The following NRXN1 variants were observed in gnomAD, a reference collection of about 807,000 sequenced individuals.
The protein encoded by NRXN1 is neurexin-1.
Under a neutral mutation model 150.9 loss-of-function variants are expected in NRXN1, and 39 were observed. The observed-to-expected ratio is 0.26, with a 90% CI of 0.20 to 0.34. The LOEUF is 0.34. Ranked by LOEUF, NRXN1 falls within the 10% of genes least tolerant of loss-of-function variation. The pLI is 1.00. For missense variants in NRXN1, 1,815 were observed against 1,949.9 expected (o/e 0.93, Z 1.30); for synonymous variants, 924 against 757.0 (o/e 1.22, Z -3.62).
chr2:50,816,348 G>T (rs559763572), intron 5 of NRXN1, among the ~76,000 whole-genome samples: 72 of 152,170 alleles, frequency 4.7e-4, no homozygotes, highest in African/African-American at 1.7e-3. Flanking sequence ...AGACCTCACA[G>T]AATGAAGCCA....
intron 8 of NRXN1, among the ~76,000 whole-genome samples, chr2:50,592,816 A>AATTTT (rs1674508793): frequency 6.6e-6 from 1 of 152,198 alleles, no homozygotes; most frequent in East Asian, 1.9e-4. Flanking sequence ...GCGAAAGCCT[A>AATTTT]GAGAAAAAAA....
chr2:50,532,862 G>C (rs143860784), intron 10 of NRXN1, among the ~76,000 whole-genome samples: 2 of 152,008 alleles, frequency 1.3e-5, no homozygotes, highest in African/African-American at 4.8e-5. Flanking sequence ...CAAAACAAGC[G>C]TGAATCAGTT....
chr2:50,554,053 C>T (rs1024273309), intron 8 of NRXN1, among the ~76,000 whole-genome samples: 2 of 152,028 alleles, frequency 1.3e-5, no homozygotes. Flanking sequence ...TTATCTAGGT[C>T]CACATAGCTG....
At chr2:50,952,451 C>G (rs2104600317) in intron 2 of NRXN1, among the ~76,000 whole-genome samples, 1 of 152,070 alleles carries the variant, frequency 6.6e-6, no homozygotes, top group South Asian at 2.1e-4. Context: ...AATTGGAAAA[C>G]AGAATGAATA....
intron 5 of NRXN1, among the ~76,000 whole-genome samples, chr2:50,806,942 T>C (rs1220571820): frequency 1.3e-5 from 2 of 152,162 alleles, no homozygotes; most frequent in African/African-American, 4.8e-5. Context: ...GACAAAATAT[T>C]TAGTTCAGCA....
At chr2:50,536,459 C>T (rs1278708375) in intron 10 of NRXN1, among the ~76,000 whole-genome samples, 2 of 152,136 alleles carry the variant, frequency 1.3e-5, no homozygotes, top group Non-Finnish European at 2.9e-5. Context: ...TTTCTTCTCT[C>T]ATCCTGGCTC....
chr2:50,787,186 C>T (rs971696311), intron 5 of NRXN1, among the ~76,000 whole-genome samples: 1 of 152,032 alleles, frequency 6.6e-6, no homozygotes, highest in Non-Finnish European at 1.5e-5. Flanking sequence ...TTGCTCTGAC[C>T]GGAGATTCCA....
chr2:50,691,107 A>G (rs1490434668), intron 5 of NRXN1, among the ~76,000 whole-genome samples: 1 of 152,210 alleles, frequency 6.6e-6, no homozygotes, highest in Non-Finnish European at 1.5e-5. Context: ...TCAAATGACC[A>G]TAATTTCTTT....
rs894368160 is a variant in NRXN1, at chr2:50,249,796, G to T, written c.3365-12826C>A. 3.3e-5 allele frequency among the ~76,000 whole-genome samples: 5 copies of T among 151,860 alleles called. No individual in the cohort carries two copies. The South Asian group carries it at 1.0e-3, about 32-fold the overall frequency. On this transcript the variant is annotated intron_variant, in intron 17 of 22. Coordinates refer to ENST00000401669, the MANE Select transcript of NRXN1 (RefSeq NM_001330078.2). ...GGGATCATAGATACGCGCCACTATG[G>T]CTGTCAAATTTTTATATTTTTAGTA...
intron 5 of NRXN1, among the ~76,000 whole-genome samples, chr2:50,723,318 G>A (rs1210819847): frequency 6.6e-6 from 1 of 152,180 alleles, no homozygotes; most frequent in African/African-American, 2.4e-5. Context: ...AGGATGTCAT[G>A]TGTCTTGTCG....
intron 5 of NRXN1, among the ~76,000 whole-genome samples, chr2:50,684,789 C>T (rs1324030537): frequency 3.3e-5 from 5 of 152,132 alleles, no homozygotes; most frequent in African/African-American, 1.2e-4. Flanking sequence ...TCTTACTTTC[C>T]CTTTCAAGTT....
rs76194466 is a variant in NRXN1 at position 50,768,945 on chromosome 2, C to T, written c.833-145330G>A. 5.9e-3 allele frequency among the ~76,000 whole-genome samples: 892 copies of T among 151,830 alleles called. 9 individuals carry two copies. The highest frequency in any genetic ancestry group is 0.02 in the African/African-American group (824 of 41,364). ...ACACACACACACACACATACACACA[C>T]ACACTCTGAACTTGAAAACGAAAAC... On this transcript the variant is annotated intron_variant, in intron 5 of 22. Coordinates refer to ENST00000401669, the MANE Select transcript of NRXN1 (RefSeq NM_001330078.2).
Position 50,358,168 on chromosome 2 carries a change from C to A in NRXN1, c.3364+107274G>T, listed in dbSNP as rs966232257. Among the ~76,000 whole-genome samples, 65 of 152,270 alleles carry A rather than the reference C, an allele frequency of 4.3e-4. 1 individual carries two copies. Among genetic ancestry groups the A allele is most frequent in the African/African-American group, 1.5e-3 (64 of 41,558 alleles). ...AACTAGGTGGCTGCTTGGGCAGACA[C>A]CAAGCTAGCTGCAGGAGTTTTTCTT... On this transcript the variant is annotated intron_variant, in intron 17 of 22. Transcript: ENST00000401669.
At chr2:50,271,141 T>G (rs2069565344) in intron 17 of NRXN1, among the ~76,000 whole-genome samples, 1 of 152,156 alleles carries the variant, frequency 6.6e-6, no homozygotes, top group Non-Finnish European at 1.5e-5. Flanking sequence ...TACTGGACAA[T>G]ATTGATACAA....
intron 12 of NRXN1, among the ~76,000 whole-genome samples, chr2:50,516,913 T>C (rs188969074): frequency 1.4e-3 from 219 of 152,324 alleles, no homozygotes; most frequent in Middle Eastern, 0.01. Flanking sequence ...AAATGAACAC[T>C]AATAACAGAG....
intron 5 of NRXN1, among the ~76,000 whole-genome samples, chr2:50,902,676 T>G (rs1425971966): frequency 6.6e-6 from 1 of 152,148 alleles, no homozygotes; most frequent in Non-Finnish European, 1.5e-5. Context: ...TAGTTTGACC[T>G]TAGTGGGGAG....
At chr2:50,566,391 G>A (rs865778186) in intron 8 of NRXN1, among the ~76,000 whole-genome samples, 99 of 149,008 alleles carry the variant, frequency 6.6e-4, no homozygotes, top group Admixed American at 1.5e-3. Flanking sequence ...CTACAGGCAC[G>A]TGCCACCACG....
In NRXN1 at chr2:50,626,337, T is replaced by C. The variant is rs984247383; in HGVS notation, c.833-2722A>G. On this transcript the variant is annotated intron_variant, in intron 5 of 22. Transcript: ENST00000401669. ...AAAAAAGAGTCCCAAATAGCCATGA[T>C]ATGCCAGAGAAAGAAGATGAAGTAA... is the stretch of plus-strand genomic sequence containing the variant. Among the ~76,000 whole-genome samples, 6 of 152,012 alleles carry C rather than the reference T, an allele frequency of 3.9e-5. No individual in the cohort carries two copies. The South Asian group carries it at 1.2e-3, about 32-fold the overall frequency.
chr2:50,220,987 T>C (rs1397189651), intron 18 of NRXN1, among the ~76,000 whole-genome samples: 1 of 152,048 alleles, frequency 6.6e-6, no homozygotes, highest in Non-Finnish European at 1.5e-5. Flanking sequence ...GGCAGAATTT[T>C]CTTGCTAATC....
Sources: allele counts gnomAD v4.1 joint callset (sites outside exome capture counted in the v4.1 genomes callset), GRCh38; gene constraint gnomAD v4.1.1; transcripts MANE v1.5; gene names NCBI Gene and HGNC (gene_info 2026-07-23, HGNC 2026-07-21).